The following FUT8 variants were observed in gnomAD, a reference collection of about 807,000 sequenced individuals.
FUT8 encodes the protein fucosyltransferase 8.
FUT8 carries 29 observed loss-of-function variants against 71.3 expected under a neutral mutation model. That is an observed-to-expected ratio of 0.41 (90% CI 0.30 to 0.55). The LOEUF (loss-of-function observed/expected upper bound fraction) is 0.55, where lower values mean the gene tolerates loss of function less well. FUT8 is among the 20% of genes least tolerant of loss of function. The pLI, the probability that FUT8 is intolerant of heterozygous loss-of-function variation, is 0.34. For synonymous variants in FUT8, 254 were observed against 239.3 expected, an observed-to-expected ratio of 1.06 and a Z score of -0.57; for missense variants, 544 against 702.1, an observed-to-expected ratio of 0.77 and a Z score of 2.55.
rs767592775 is a variant in FUT8, at chr14:65,616,002, G to C, written c.228G>C (p.Gln76His). The C allele has an allele frequency of 2.5e-6, 4 of 1,613,568 alleles. No homozygotes were observed. Among genetic ancestry groups the C allele is most frequent in the Non-Finnish European group, 3.4e-6 (4 of 1,179,600 alleles). The change falls in exon 4 of 11, where the codon CAG (glutamine) becomes CAC (histidine). Residue 76 changes from glutamine to histidine, a missense_variant. By Grantham distance (24) the Gln-to-His change is conservative (BLOSUM62 0). Transcript: ENST00000673929. ...GGATACCAGAAGGCCCTATTGATCAGGGGCCAGCTATAGGAAGAGTACGCG... is the reference window on the plus strand; with the variant it reads ...GGATACCAGAAGGCCCTATTGATCACGGGCCAGCTATAGGAAGAGTACGCG... Reference protein sequence around the residue: ...SLRIPEGPIDQGPAIGRVRVL... With the variant: ...SLRIPEGPIDHGPAIGRVRVL...
intron 10 of FUT8, among the ~76,000 whole-genome samples, chr14:65,738,953 C>T (rs17102896): frequency 0.083 from 12,676 of 152,054 alleles, 842 homozygotes; most frequent in African/African-American, 0.18. Flanking sequence ...AGGCATTGTT[C>T]TAGGTGTTTA....
intron 6 of FUT8, among the ~76,000 whole-genome samples, chr14:65,633,628 C>T (rs1237857282): frequency 1.9e-4 from 29 of 151,440 alleles, no homozygotes; most frequent in Admixed American, 1.1e-3. Flanking sequence ...GCCTCTGCCC[C>T]GCCGCCCCGT....
the FUT8 span, among the ~76,000 whole-genome samples, chr14:65,384,699 A>G: frequency 4.6e-5 from 7 of 152,146 alleles, no homozygotes; most frequent in African/African-American, 1.7e-4. The surrounding 1 kb of genome is among the most constrained non-coding windows in gnomAD (Gnocchi z 4.2). Flanking sequence ...CAGGCACTCA[A>G]CTGTTGGGTG....
At chr14:65,720,241 AC>A (rs1453456705) in intron 7 of FUT8, among the ~76,000 whole-genome samples, 1 of 152,194 alleles carries the variant, frequency 6.6e-6, no homozygotes, top group African/African-American at 2.4e-5. Flanking sequence ...CCCTATGGCC[AC>A]CACCACTACA....
intron 2 of FUT8, among the ~76,000 whole-genome samples, chr14:65,491,412 T>G (rs985046063): frequency 6.6e-6 from 1 of 152,192 alleles, no homozygotes; most frequent in Admixed American, 6.5e-5. Flanking sequence ...GTTGACTGAT[T>G]GCTTGTTTCA....
the FUT8 span, among the ~76,000 whole-genome samples, chr14:65,388,910 T>C: frequency 6.6e-6 from 1 of 152,044 alleles, no homozygotes; most frequent in East Asian, 1.9e-4. Flanking sequence ...ATTGTGAAAT[T>C]TTTTAAAATA....
chr14:65,478,110 A>T (rs761078929), intron 2 of FUT8, among the ~76,000 whole-genome samples: 1 of 152,094 alleles, frequency 6.6e-6, no homozygotes, highest in Non-Finnish European at 1.5e-5. Flanking sequence ...CTTCTTGGAC[A>T]TACTCTTCTT....
chr14:65,677,151 T>TGTGTGTGTGTGTGTGCGCGCGC, intron 7 of FUT8, among the ~76,000 whole-genome samples: 56 of 110,736 alleles, frequency 5.1e-4, no homozygotes, highest in Non-Finnish European at 7.4e-4. Context: ...TGTGTGTGTG[T>TGTGTGTGTGTGTGTGCGCGCGC]GCGCGCGCGC....
At chr14:65,461,652 A>T (rs755595706) in intron 2 of FUT8, among the ~76,000 whole-genome samples, 4 of 152,234 alleles carry the variant, frequency 2.6e-5, no homozygotes, top group Non-Finnish European at 5.9e-5. Flanking sequence ...TAAGAAAGTT[A>T]CTGTCTTCTT....
At chr14:65,629,722 C>G (rs1890077200) in intron 6 of FUT8, 116 bp downstream of exon 6, 1 of 675,588 alleles carries the variant, frequency 1.5e-6, no homozygotes, top group Non-Finnish European at 2.6e-6. Flanking sequence ...TCAGTACTCA[C>G]ACATTTTACA....
intron 7 of FUT8, among the ~76,000 whole-genome samples, chr14:65,694,262 G>A (rs1292186703): frequency 6.6e-6 from 1 of 151,654 alleles, no homozygotes; most frequent in African/African-American, 2.4e-5. Flanking sequence ...TAGATAATTG[G>A]GTTTAGCTTT....
At chr14:65,719,031 A>G (rs1895269495) in intron 7 of FUT8, among the ~76,000 whole-genome samples, 1 of 152,118 alleles carries the variant, frequency 6.6e-6, no homozygotes, top group African/African-American at 2.4e-5. Context: ...TCTCTGTTTC[A>G]TCCCTTTGAA....
At chr14:65,628,289 T>C (rs939903456) in intron 5 of FUT8, among the ~76,000 whole-genome samples, 9 of 152,158 alleles carry the variant, frequency 5.9e-5, no homozygotes, top group African/African-American at 2.2e-4. Context: ...GGGTGGGGTC[T>C]TTTAGGTCAA....
the FUT8 span, among the ~76,000 whole-genome samples, chr14:65,374,952 C>G: frequency 6.6e-6 from 1 of 152,024 alleles, no homozygotes; most frequent in Non-Finnish European, 1.5e-5. Context: ...TGGCTTAGAG[C>G]AATGAATTTA....
chr14:65,470,407 AC>A, intron 2 of FUT8, among the ~76,000 whole-genome samples: 1 of 151,900 alleles, frequency 6.6e-6, no homozygotes, highest in East Asian at 1.9e-4. Context: ...TGGGTCTACC[AC>A]CCAGGCTTGG....
chr14:65,720,213 A>G (rs1314894143), intron 7 of FUT8, among the ~76,000 whole-genome samples: 1 of 152,166 alleles, frequency 6.6e-6, no homozygotes, highest in African/African-American at 2.4e-5. Flanking sequence ...TCCTCTTTTC[A>G]TAGGCAAAAG....
At chr14:65,389,048 C>T in the FUT8 span, among the ~76,000 whole-genome samples, 1 of 151,066 alleles carries the variant, frequency 6.6e-6, no homozygotes, top group African/African-American at 2.4e-5. Context: ...GTCACCCAGG[C>T]TGGAGTGCAG....
At position 65,742,946 on chromosome 14, in the gene FUT8, A is replaced by C. The variant is rs1226010716; in HGVS notation, c.*536A>C. The C allele has an allele frequency of 6.6e-6, 1 of 150,486 alleles. No homozygotes were observed. The highest frequency in any genetic ancestry group is 2.0e-4 in the East Asian group (1 of 5,124). The allele number at this position is 150,486 out of a possible 1,614,324, so 9.3% of individuals were successfully genotyped here. A position where few individuals can be genotyped will look rare whatever the true frequency, so the allele number is the denominator to read the frequency against. Reference sequence around the variant, plus strand: ...TTTTGTTTTTGTTTTTTCCTTTATAAGGTTGTCTGTTTTTTTTTTTTTAAA... The same window carrying C: ...TTTTGTTTTTGTTTTTTCCTTTATACGGTTGTCTGTTTTTTTTTTTTTAAA... On this transcript the variant is annotated 3_prime_UTR_variant, in exon 11 of 11. Transcript: ENST00000673929.
chr14:65,447,847 GT>G (rs2065766020), intron 1 of FUT8, among the ~76,000 whole-genome samples: 1 of 152,112 alleles, frequency 6.6e-6, no homozygotes, highest in Non-Finnish European at 1.5e-5. Flanking sequence ...GTAAATTTCT[GT>G]TTAGAGCTGG....
Sources: gnomAD v4.1 joint callset for allele counts (sites outside exome capture counted in the v4.1 genomes callset) on GRCh38, gnomAD v4.1.1 for gene constraint, Gnocchi (gnomAD v3.1) non-coding constraint, MANE v1.5 for transcripts, NCBI Gene and HGNC (gene_info 2026-07-23, HGNC 2026-07-21) for gene names.